The following GPR39 variants were observed in gnomAD, a reference collection of about 807,000 sequenced individuals.
GPR39 encodes G protein-coupled receptor 39.
GPR39 carries 23 observed loss-of-function variants against 18.4 expected under a neutral mutation model. The ratio of observed to expected loss-of-function variants is 1.25; its 90% CI spans 0.90 to 1.77. The LOEUF is 1.77. GPR39 is among the 40% of genes most tolerant of loss of function. GPR39 has a pLI of 0.00. For missense variants in GPR39, 647 were observed against 602.4 expected (o/e 1.07, Z -0.78); for synonymous variants, 280 against 257.9 (o/e 1.09, Z -0.82).
At chr2:132,429,123 A>G (rs1244787625) in intron 1 of GPR39, among the ~76,000 whole-genome samples, 9 of 152,148 alleles carry the variant, frequency 5.9e-5, no homozygotes, top group African/African-American at 1.7e-4. Context: ...TTTATCTTCA[A>G]TCCTCATAGT....
chr2:132,639,799 C>T (rs149728011), intron 1 of GPR39, among the ~76,000 whole-genome samples: 3,458 of 152,180 alleles, frequency 0.023, 62 homozygotes, highest in Admixed American at 0.053. Flanking sequence ...TTGGAGGACC[C>T]GCTTCTAAAA....
intron 1 of GPR39, among the ~76,000 whole-genome samples, chr2:132,551,375 A>T (rs908642423): frequency 2.6e-5 from 4 of 152,194 alleles, no homozygotes; most frequent in African/African-American, 9.6e-5. Context: ...TGAAAAAAGG[A>T]TGTCCCTTAT....
At position 132,599,145 on chromosome 2, in the gene GPR39, C is replaced by T. The variant is rs115259291; in HGVS notation, c.857-45956C>T. ...TAAGTTATAAAGGGGGTGGAGGAAG[C>T]GGCTCCTGCTGGGCAGATAATCCAG... On this transcript the variant is annotated intron_variant, in intron 1 of 1. Coordinates refer to ENST00000329321, the MANE Select transcript of GPR39 (RefSeq NM_001508.3). 3.7e-3 allele frequency among the ~76,000 whole-genome samples: 562 copies of T among 151,934 alleles called. 3 individuals carry two copies. The highest frequency in any genetic ancestry group is 0.013 in the African/African-American group (541 of 41,418).
At chr2:132,600,631 A>G (rs1681023573) in intron 1 of GPR39, among the ~76,000 whole-genome samples, 1 of 152,184 alleles carries the variant, frequency 6.6e-6, no homozygotes, top group African/African-American at 2.4e-5. Context: ...ATTCCTGGAC[A>G]CATATAACCT....
intron 1 of GPR39, among the ~76,000 whole-genome samples, chr2:132,527,058 C>T (rs1679527256): frequency 6.6e-6 from 1 of 152,106 alleles, no homozygotes; most frequent in Non-Finnish European, 1.5e-5. Context: ...AGGTTTTAAG[C>T]CCCGCATGGA....
intron 1 of GPR39, among the ~76,000 whole-genome samples, chr2:132,490,019 G>A (rs113010283): frequency 0.04 from 6,130 of 151,786 alleles, 486 homozygotes; most frequent in African/African-American, 0.14. Context: ...CACCTGGCAT[G>A]TGGCACCGTG....
chr2:132,601,534 C>T (rs1681042524), intron 1 of GPR39, among the ~76,000 whole-genome samples: 1 of 152,000 alleles, frequency 6.6e-6, no homozygotes, highest in African/African-American at 2.4e-5. Flanking sequence ...GACAAGGATG[C>T]CCACTTGTAC....
At chr2:132,498,411 C>A (rs1681689373) in intron 1 of GPR39, among the ~76,000 whole-genome samples, 1 of 152,168 alleles carries the variant, frequency 6.6e-6, no homozygotes, top group Non-Finnish European at 1.5e-5. Flanking sequence ...GCCATTAATT[C>A]ATTCCTTTTT....
chr2:132,486,896 G>C (rs1681350933), intron 1 of GPR39, among the ~76,000 whole-genome samples: 1 of 152,154 alleles, frequency 6.6e-6, no homozygotes, highest in African/African-American at 2.4e-5. Flanking sequence ...TTAGTGCAAA[G>C]GCCTAACTTT....
intron 1 of GPR39, among the ~76,000 whole-genome samples, chr2:132,440,588 T>C (rs1680417899): frequency 6.6e-6 from 1 of 152,092 alleles, no homozygotes; most frequent in African/African-American, 2.4e-5. Context: ...ACGCGGTGCT[T>C]GGATTAATGA....
intron 1 of GPR39, among the ~76,000 whole-genome samples, chr2:132,547,088 G>A (rs565950592): frequency 7.2e-5 from 11 of 152,264 alleles, no homozygotes; most frequent in African/African-American, 2.6e-4. Context: ...GGTCAATGGG[G>A]TTACTGTATG....
intron 1 of GPR39, among the ~76,000 whole-genome samples, chr2:132,635,416 A>C (rs1022185686): frequency 2.0e-5 from 3 of 152,234 alleles, no homozygotes; most frequent in Non-Finnish European, 4.4e-5. Flanking sequence ...AACTCATAGA[A>C]GGGAACTTGA....
chr2:132,598,843 A>G (rs915600231), intron 1 of GPR39, among the ~76,000 whole-genome samples: 1 of 152,166 alleles, frequency 6.6e-6, no homozygotes, highest in Non-Finnish European at 1.5e-5. Context: ...GCACCATGAC[A>G]TGTAACAAGG....
chr2:132,493,455 C>A (rs1681558656), intron 1 of GPR39, among the ~76,000 whole-genome samples: 2 of 144,122 alleles, frequency 1.4e-5, no homozygotes, highest in South Asian at 4.3e-4. Context: ...TATATACACA[C>A]CATATATATA....
chr2:132,626,989 G>A (rs1681555759), intron 1 of GPR39, among the ~76,000 whole-genome samples: 1 of 152,144 alleles, frequency 6.6e-6, no homozygotes, highest in Admixed American at 6.5e-5. Flanking sequence ...CTGTGCATTG[G>A]CAAAGGAGAG....
rs187158681 is a variant in GPR39, at chr2:132,514,224, T to A, written c.856+96326T>A. Reference sequence around the variant, plus strand: ...TTCTGGAATCCCTAGCCCAGGCCACTTGGTTTTGATCTTGACATCTCCACC... The same window carrying A: ...TTCTGGAATCCCTAGCCCAGGCCACATGGTTTTGATCTTGACATCTCCACC... On this transcript the variant is annotated intron_variant, in intron 1 of 1. Transcript: ENST00000329321. 1.4e-3 allele frequency among the ~76,000 whole-genome samples: 214 copies of A among 152,276 alleles called. 5 individuals are homozygous for A. The highest frequency in any genetic ancestry group is 0.013 in the Admixed American group (201 of 15,298).
At chr2:132,554,818 G>A (rs1053011739) in intron 1 of GPR39, among the ~76,000 whole-genome samples, 11 of 152,112 alleles carry the variant, frequency 7.2e-5, no homozygotes, top group African/African-American at 2.4e-4. Flanking sequence ...AATAAGTAAT[G>A]CTTTACAAAC....
intron 1 of GPR39, among the ~76,000 whole-genome samples, chr2:132,591,238 A>G (rs1218480460): frequency 4.7e-4 from 62 of 130,658 alleles, no homozygotes; most frequent in East Asian, 1.8e-3. Context: ...GGCCTGGGCG[A>G]CAGAGCGAGA....
intron 1 of GPR39, among the ~76,000 whole-genome samples, chr2:132,547,086 G>A (rs1679964290): frequency 6.6e-6 from 1 of 152,098 alleles, no homozygotes; most frequent in South Asian, 2.1e-4. Context: ...AGGGTCAATG[G>A]GGTTACTGTA....
Sources: allele counts gnomAD v4.1 joint callset (sites outside exome capture counted in the v4.1 genomes callset), GRCh38; gene constraint gnomAD v4.1.1; transcripts MANE v1.5; gene names NCBI Gene and HGNC (gene_info 2026-07-23, HGNC 2026-07-21).